The following MINDY1 variants were observed in gnomAD, a reference collection of about 807,000 sequenced individuals.
The protein encoded by MINDY1 is ubiquitin carboxyl-terminal hydrolase MINDY-1.
MINDY1 carries 50 observed loss-of-function variants against 53.6 expected under a neutral mutation model. The observed-to-expected ratio is 0.93, with a 90% confidence interval of 0.74 to 1.18. MINDY1 has a LOEUF of 1.18. Among genes scored for constraint, MINDY1 ranks in the 50% most tolerant of loss-of-function variants. The pLI, the probability that MINDY1 is intolerant of heterozygous loss-of-function variation, is 0.00. For missense variants in MINDY1, 484 were observed against 578.6 expected (o/e 0.84, Z 1.68); for synonymous variants, 231 against 234.7 (o/e 0.98, Z 0.14).
chr1:151,004,407 T>G (rs1672914769), intron 1 of MINDY1, among the ~76,000 whole-genome samples: 1 of 152,094 alleles, frequency 6.6e-6, no homozygotes, highest in South Asian at 2.1e-4. Flanking sequence ...CCTCCCACTC[T>G]TTATCAGGGA....
In MINDY1 at chr1:151,002,600, A is replaced by C; in HGVS notation, c.18T>G (p.Pro6=). 1 of 1,614,162 alleles carries C rather than the reference A, an allele frequency of 6.2e-7. No individual in the cohort carries two copies. Among genetic ancestry groups the C allele is most frequent in the South Asian group, 1.1e-5 (1 of 91,082 alleles). MEYHQ[P]EDPAPGKAGT... The stretch of plus-strand genomic sequence containing the variant: ...CGGCCTTACCAGGGGCTGGATCCTC[A>C]GGCTGATGGTATTCCATGGTCAAAA... Residue 6 remains proline, a synonymous_variant, in exon 2 of 10, where the codon CCT becomes CCG. Coordinates refer to ENST00000683666, the MANE Select transcript of MINDY1 (RefSeq NM_001376665.1). This position sits in a 1 kb window ranked among gnomAD's most constrained non-coding sequence, Gnocchi z 4.1.
Position 150,997,726 on chromosome 1 carries a change from C to T in MINDY1, c.1227G>A (p.Gly409=), listed in dbSNP as rs1473411022. ...GCTGGGCCAGCTCCAAGTCGGTAAG[C>T]CCCAGCGGGCCTCGTGGCTGTTGCT... ...LQQQQPRGPL[G]LTDLELAQQL... The change falls in exon 9 of 10, where the codon GGG becomes GGA. Residue 409 remains glycine (G), a synonymous_variant. Transcript: ENST00000683666. 1 of 1,613,934 alleles carries T rather than the reference C, an allele frequency of 6.2e-7. No individual in the cohort carries two copies. The highest frequency in any genetic ancestry group is 8.5e-7 in the Non-Finnish European group (1 of 1,180,016).
At position 150,996,956 on chromosome 1, in the gene MINDY1, C is replaced by T. The variant is rs1671893545; in HGVS notation, c.*331G>A. On this transcript the variant is annotated 3_prime_UTR_variant, in exon 10 of 10. Coordinates refer to ENST00000683666, the MANE Select transcript of MINDY1 (RefSeq NM_001376665.1). ...GCCTAGGTGATCAGGAGCATCCAGG[C>T]AGCAGGGATGGGAAGCAGAAGAGAT... 1 of 319,824 alleles carries T rather than the reference C, an allele frequency of 3.1e-6. No homozygotes were observed. The highest frequency in any genetic ancestry group is 5.9e-5 in the East Asian group (1 of 16,852). 19.8% of individuals were successfully genotyped at this position (319,824 alleles called of 1,614,324 possible). A position where few individuals can be genotyped will look rare whatever the true frequency, so the allele number is the denominator to read the frequency against.
rs71580353 is a variant in MINDY1 at position 151,005,454 on chromosome 1, C to CAA, written c.-90+856_-90+857dup. 4.4e-4 allele frequency among the ~76,000 whole-genome samples: 31 copies of CAA among 70,998 alleles called. 1 individual carries two copies. The highest frequency in any genetic ancestry group is 3.7e-4 in the South Asian group (1 of 2,708). The allele number at this position is 70,998 out of a possible 152,430, so 46.6% of individuals were successfully genotyped here. ...GTGACAAGAGTGAGACTCTTGCCTC[C>CAA]AAAAAAAAAAAGAAAAAAAGAAAAA... is the stretch of plus-strand genomic sequence containing the variant. On this transcript the variant is annotated intron_variant, in intron 1 of 9. Coordinates refer to ENST00000683666, the MANE Select transcript of MINDY1 (RefSeq NM_001376665.1).
upstream of MINDY1, among the ~76,000 whole-genome samples, chr1:151,007,823 A>C (rs1266209448): frequency 6.6e-6 from 1 of 152,224 alleles, no homozygotes; most frequent in African/African-American, 2.4e-5. Context: ...GGGCCGCCAC[A>C]GGATGAAATT....
At chr1:151,007,993 C>T (rs143121172), upstream of MINDY1, among the ~76,000 whole-genome samples, 5 of 152,276 alleles carry the variant, frequency 3.3e-5, no homozygotes, top group East Asian at 9.6e-4. Flanking sequence ...CAGGAGTTGG[C>T]AGGAGACTGT....
At chr1:151,007,729 A>G (rs1300852919), upstream of MINDY1, among the ~76,000 whole-genome samples, 1 of 152,230 alleles carries the variant, frequency 6.6e-6, no homozygotes, top group East Asian at 1.9e-4. Context: ...CAGTACCTGC[A>G]CTACTCTGCG....
intron 5 of MINDY1, 126 bp from the exon 6 acceptor site, chr1:151,000,090 T>C (rs1304817565): frequency 3.0e-6 from 2 of 671,020 alleles, no homozygotes; most frequent in Non-Finnish European, 4.8e-6. Flanking sequence ...ACACTTTTTT[T>C]TTTTGGTCTC....
At chr1:150,998,376 A>G (rs971679806) in intron 7 of MINDY1, 103 bp from the exon 8 acceptor site, 41 of 1,069,832 alleles carry the variant, frequency 3.8e-5, no homozygotes, top group Non-Finnish European at 8.1e-6. Context: ...TTTCTTGGAG[A>G]TGGAGTCTCG....
At chr1:150,997,490 G>T in intron 9 of MINDY1, 123 bp from the exon 10 acceptor site, 1 of 1,551,972 alleles carries the variant, frequency 6.4e-7, no homozygotes, top group East Asian at 2.4e-5. Context: ...GGGGCTCCAG[G>T]GGAGAGGGAC....
chr1:151,002,054 A>G lies in MINDY1; in HGVS notation c.453+111T>C. Reference sequence around the variant, plus strand: ...TTGCTCAAGCTGGAGAAATAGGGAGAACAATCTGAAAAGTTTTGACTAGTT... The same window carrying G: ...TTGCTCAAGCTGGAGAAATAGGGAGGACAATCTGAAAAGTTTTGACTAGTT... On this transcript the variant is annotated intron_variant, in intron 2 of 9. Transcript: ENST00000683666. This position sits in a 1 kb window ranked among gnomAD's most constrained non-coding sequence, Gnocchi z 4.1. 9.0e-7 allele frequency: 1 copy of G among 1,114,380 alleles called. No homozygotes were observed. Among genetic ancestry groups the G allele is most frequent in the Non-Finnish European group, 1.3e-6 (1 of 778,238 alleles). The allele number at this position is 1,114,380 out of a possible 1,614,324, so 69.0% of individuals were successfully genotyped here. A position where few individuals can be genotyped will look rare whatever the true frequency, so the allele number is the denominator to read the frequency against.
intron 4 of MINDY1, 92 bp downstream of exon 4, chr1:151,001,158 C>T: frequency 7.7e-7 from 1 of 1,306,338 alleles, no homozygotes; most frequent in Non-Finnish European, 1.1e-6. Flanking sequence ...TTCAAGGAAA[C>T]CTCTGAAGAA....
In MINDY1 at chr1:150,997,860, A is replaced by G. The variant is rs1672021611; in HGVS notation, c.1174-81T>C. 2.8e-6 allele frequency: 4 copies of G among 1,435,174 alleles called. No individual in the cohort carries two copies. The African/African-American group carries it at 4.2e-5, about 15-fold the overall frequency. 88.9% of individuals were successfully genotyped at this position (1,435,174 alleles called of 1,614,324 possible). ...GCAAGGTTTCCAAATCAGTTTTCCC[A>G]CATCCCTCAAATTCTCTAGCTCTTT... On this transcript the variant is annotated intron_variant, in intron 8 of 9. Transcript: ENST00000683666.
At chr1:151,001,624 C>A in intron 3 of MINDY1, 101 bp downstream of exon 3, 1 of 1,433,328 alleles carries the variant, frequency 7.0e-7, no homozygotes, top group Non-Finnish European at 9.6e-7. Context: ...CCTGCTGTAT[C>A]AGAACCCCCA....
At chr1:151,003,902 C>T (rs1394496126) in intron 1 of MINDY1, among the ~76,000 whole-genome samples, 2 of 151,984 alleles carry the variant, frequency 1.3e-5, no homozygotes, top group Admixed American at 6.6e-5. Flanking sequence ...ATGTCTATTC[C>T]CATCCAAGTG....
chr1:151,006,391 A>G lies in MINDY1; in HGVS notation c.-169T>C. On this transcript the variant is annotated 5_prime_UTR_variant, in exon 1 of 10. Coordinates refer to ENST00000683666, the MANE Select transcript of MINDY1 (RefSeq NM_001376665.1). ...TGAGATGGGGGAGATAGGTGCAATG[A>G]AGGGGGCTGCCAGTGCCAGCTGCCT... 7.4e-7 allele frequency: 1 copy of G among 1,356,022 alleles called. No homozygotes were observed. Among genetic ancestry groups the G allele is most frequent in the Non-Finnish European group, 9.5e-7 (1 of 1,051,732 alleles). 84.0% of individuals were successfully genotyped at this position (1,356,022 alleles called of 1,614,324 possible).
Position 150,999,526 on chromosome 1 carries a change from C to T in MINDY1, c.839-15G>A, listed in dbSNP as rs767537672. 46 of 1,613,028 alleles carry T rather than the reference C, an allele frequency of 2.9e-5. No individual in the cohort carries two copies. Among genetic ancestry groups the T allele is most frequent in the South Asian group, 2.6e-4 (24 of 91,048 alleles). The stretch of plus-strand genomic sequence containing the variant: ...TGCAATCAGGCCTGCCAGAAAGGGA[C>T]GAGTCGGGGGAAACTTGGCTTAAAT... On this transcript the variant is annotated splice_polypyrimidine_tract_variant and intron_variant, in intron 6 of 9. Transcript: ENST00000683666. The surrounding 1 kb of genome is among the most constrained non-coding windows in gnomAD (Gnocchi z 4.4).
chr1:150,998,411 G>C (rs891775089), intron 7 of MINDY1, 138 bp from the exon 8 acceptor site: 12 of 772,816 alleles, frequency 1.6e-5, no homozygotes, highest in Non-Finnish European at 2.3e-5. Context: ...CTGGAGTGCA[G>C]TGGCACAATC....
intron 4 of MINDY1, 53 bp downstream of exon 4, chr1:151,001,197 G>C: frequency 1.3e-6 from 2 of 1,559,574 alleles, no homozygotes; most frequent in Non-Finnish European, 1.8e-6. Flanking sequence ...AGTATTACAA[G>C]ATGTCCCCTT....
Sources: allele counts gnomAD v4.1 joint callset (sites outside exome capture counted in the v4.1 genomes callset), GRCh38; gene constraint gnomAD v4.1.1; non-coding constraint Gnocchi (gnomAD v3.1); transcripts MANE v1.5; gene names NCBI Gene and HGNC (gene_info 2026-07-23, HGNC 2026-07-21).